CA6: variants seen among roughly 807,000 people sequenced by gnomAD.
CA6 encodes the protein carbonate dehydratase VI.
Under a neutral mutation model 35.9 loss-of-function variants are expected in CA6, and 28 were observed. The observed-to-expected ratio is 0.78, with a 90% CI of 0.58 to 1.07. CA6 has a LOEUF of 1.07. Ranked by LOEUF, CA6 falls within the 50% of genes least tolerant of loss-of-function variation. The pLI, the probability that CA6 is intolerant of heterozygous loss-of-function variation, is 0.00. For synonymous variants in CA6, 148 were observed against 152.6 expected (o/e 0.97, Z 0.22); for missense variants, 377 against 382.0 (o/e 0.99, Z 0.11).
At chr1:8,970,838 C>G in intron 6 of CA6, 29 bp from the exon 7 acceptor site, 1 of 1,325,788 alleles carries the variant, frequency 7.5e-7, no homozygotes, top group Non-Finnish European at 1.1e-6. Flanking sequence ...TGACTCTTCC[C>G]CTCCATAATG....
rs887167424 is a variant in CA6, at chr1:8,957,183, C to T, written c.306C>T (p.Gly102=). 1 of 1,613,950 alleles carries T rather than the reference C, an allele frequency of 6.2e-7. No homozygotes were observed. Among genetic ancestry groups the T allele is most frequent in the Admixed American group, 1.7e-5 (1 of 59,998 alleles). The change falls in exon 3 of 8, where the codon GGC becomes GGT. Residue 102 remains glycine, a synonymous_variant. Transcript: ENST00000377443. ...CCATGCGCATGACAGTGGCTGACGG[C>T]ACTGTATACATAGCCCAGCAGATGC... The part of the protein sequence containing the change: ...PSTMRMTVAD[G]TVYIAQQMHF...
At chr1:8,958,340 G>T (rs1015652879) in intron 3 of CA6, among the ~76,000 whole-genome samples, 2 of 151,934 alleles carry the variant, frequency 1.3e-5, no homozygotes, top group Non-Finnish European at 2.9e-5. Context: ...GCTAATTTTT[G>T]TACTTTTAGT....
intron 2 of CA6, chr1:8,951,473 G>C (rs775610284): frequency 3.9e-6 from 3 of 764,948 alleles, no homozygotes; most frequent in Middle Eastern, 2.2e-4. Context: ...TTGTGGAGAA[G>C]GGGCGAAGCA....
Position 8,970,929 on chromosome 1 carries a change from C to A in CA6, c.792C>A (p.Arg264=). The change falls in exon 7 of 8, where the codon CGC becomes CGA. Residue 264 remains arginine, a synonymous_variant. Transcript: ENST00000377443. ...ACAAGACCATCCACAACGATTACCG[C>A]AGGACCCAGCCCCTGAACCACAGAG... The part of the protein sequence containing the change: ...HRNKTIHNDY[R]RTQPLNHRVV... 1 of 1,614,124 alleles carries A rather than the reference C, an allele frequency of 6.2e-7. No individual in the cohort carries two copies. Among genetic ancestry groups the A allele is most frequent in the Non-Finnish European group, 8.5e-7 (1 of 1,179,964 alleles).
chr1:8,961,145 A>G (rs1639833541), intron 4 of CA6, among the ~76,000 whole-genome samples: 1 of 152,222 alleles, frequency 6.6e-6, no homozygotes, highest in African/African-American at 2.4e-5. Context: ...ATTCCCAGAT[A>G]TACGAAAACC....
intron 2 of CA6, among the ~76,000 whole-genome samples, chr1:8,954,139 C>A (rs1222428630): frequency 6.6e-6 from 1 of 151,732 alleles, no homozygotes; most frequent in Admixed American, 6.6e-5. Context: ...GCTGCTCTGC[C>A]TGTGGAGCAG....
chr1:8,962,510 G>T (rs1055045382), intron 4 of CA6, 77 bp from the exon 5 acceptor site: 29 of 1,212,838 alleles, frequency 2.4e-5, no homozygotes, highest in Admixed American at 5.1e-5. Flanking sequence ...CCGCTAGAAA[G>T]CTGAGTGGCT....
chr1:8,946,014 C>T (rs1209019200), intron 1 of CA6, 49 bp downstream of exon 1: 17 of 1,145,784 alleles, frequency 1.5e-5, no homozygotes, highest in Non-Finnish European at 2.2e-5. Context: ...CACACCCTTA[C>T]AACAGGACAA....
intron 6 of CA6, 146 bp downstream of exon 6, chr1:8,967,962 C>CTT: frequency 6.6e-6 from 3 of 456,794 alleles, no homozygotes; most frequent in South Asian, 7.0e-5. Flanking sequence ...GTCTAGCCAA[C>CTT]CTTTTTTTTT....
intron 6 of CA6, among the ~76,000 whole-genome samples, chr1:8,970,205 C>CAA (rs57388930): frequency 2.1e-3 from 183 of 86,536 alleles, no homozygotes; most frequent in Middle Eastern, 5.7e-3. Context: ...ACTCTGGTCT[C>CAA]AAAAAAAAAA....
intron 5 of CA6, among the ~76,000 whole-genome samples, chr1:8,966,828 C>T (rs767278232): frequency 2.6e-5 from 4 of 152,074 alleles, no homozygotes; most frequent in Admixed American, 2.0e-4. Context: ...GTGGCTGCTG[C>T]AGGAGTTTTG....
At position 8,949,414 on chromosome 1, in the gene CA6, G is replaced by A; in HGVS notation, c.231G>A (p.Glu77=). The change falls in exon 2 of 8, where the codon GAG becomes GAA. Residue 77 remains glutamate (E), a synonymous_variant. Coordinates refer to ENST00000377443, the MANE Select transcript of CA6 (RefSeq NM_001215.4). ...NMTGYETQAG[E]FPMVNNGHTV... ...CAGGCTATGAGACCCAGGCAGGGGA[G>A]TTCCCCATGGTCAACAATGGCCACA... 2 of 1,613,078 alleles carry A rather than the reference G, an allele frequency of 1.2e-6. No individual in the cohort carries two copies. Among genetic ancestry groups the A allele is most frequent in the Non-Finnish European group, 1.7e-6 (2 of 1,179,518 alleles).
intron 4 of CA6, among the ~76,000 whole-genome samples, chr1:8,959,467 A>C (rs559163708): frequency 6.9e-6 from 1 of 144,320 alleles, no homozygotes; most frequent in African/African-American, 2.9e-5. Flanking sequence ...GGCACCTGCC[A>C]CCACGTCTGG....
At chr1:8,959,143 C>G in intron 4 of CA6, 141 bp downstream of exon 4, 1 of 623,424 alleles carries the variant, frequency 1.6e-6, no homozygotes, top group Admixed American at 2.9e-5. Context: ...AACATTGACT[C>G]GATGGAAGAT....
rs1007510737 is a variant in CA6, at chr1:8,967,776, G to A, written c.689G>A (p.Trp230Ter). Reference sequence around the variant, plus strand: ...CCTCCCTGCACTGAGAACGTCCACTGGTTTGTGCTGGCAGATTTTGTCAAG... The same window carrying A: ...CCTCCCTGCACTGAGAACGTCCACTAGTTTGTGCTGGCAGATTTTGTCAAG... ...TTPPCTENVH[W>*]FVLADFVKLS... Residue 230 changes from tryptophan to a stop codon, truncating the protein, a stop_gained, in exon 6 of 8, where the codon TGG becomes TAG. Coordinates refer to ENST00000377443, the MANE Select transcript of CA6 (RefSeq NM_001215.4). LOFTEE classifies it high-confidence loss of function. The A allele has an allele frequency of 6.2e-7, 1 of 1,613,890 alleles. No homozygotes were observed. The highest frequency in any genetic ancestry group is 8.5e-7 in the Non-Finnish European group (1 of 1,180,016).
chr1:8,967,759 C>A lies in CA6; in HGVS notation c.672C>A (p.Cys224Ter). Residue 224 changes from cysteine to a stop codon, truncating the protein, a stop_gained, in exon 6 of 8, where the codon TGC becomes TGA. Transcript: ENST00000377443. LOFTEE classifies it high-confidence loss of function. ...TYHGSLTTPPCTENVHWFVLA... is the reference protein window; with the variant it reads ...TYHGSLTTPP Reference sequence around the variant, plus strand: ...ATGGCTCACTCACCACGCCTCCCTGCACTGAGAACGTCCACTGGTTTGTGC... The same window carrying A: ...ATGGCTCACTCACCACGCCTCCCTGAACTGAGAACGTCCACTGGTTTGTGC... The A allele has an allele frequency of 6.2e-7, 1 of 1,614,094 alleles. No individual in the cohort carries two copies. The highest frequency in any genetic ancestry group is 8.5e-7 in the Non-Finnish European group (1 of 1,180,012).
intron 7 of CA6, 57 bp downstream of exon 7, chr1:8,971,038 C>T (rs1557633688): frequency 8.8e-7 from 1 of 1,131,874 alleles, no homozygotes; most frequent in African/African-American, 1.5e-5. Context: ...TTTGCTCCTT[C>T]CTCTAGGTGG....
intron 5 of CA6, among the ~76,000 whole-genome samples, chr1:8,966,363 G>A (rs894405642): frequency 2.0e-5 from 3 of 152,128 alleles, no homozygotes; most frequent in African/African-American, 7.2e-5. Context: ...ACCCGCCTCG[G>A]CCTCCCAAAG....
At chr1:8,948,849 A>C (rs1557618675) in intron 1 of CA6, among the ~76,000 whole-genome samples, 2 of 151,930 alleles carry the variant, frequency 1.3e-5, no homozygotes, top group Non-Finnish European at 2.9e-5. Flanking sequence ...GCATGCCTGT[A>C]ATCCCAGCTA....
Sources: gnomAD v4.1 joint callset for allele counts (sites outside exome capture counted in the v4.1 genomes callset) on GRCh38, gnomAD v4.1.1 for gene constraint, MANE v1.5 for transcripts, NCBI Gene and HGNC (gene_info 2026-07-23, HGNC 2026-07-21) for gene names.